The following FOXP1 variants were observed in gnomAD, a reference collection of about 807,000 sequenced individuals.
FOXP1 encodes forkhead box P1.
A neutral mutation model predicts 98.2 loss-of-function variants in FOXP1; 15 were observed. That is an observed-to-expected ratio of 0.15 (90% confidence interval 0.10 to 0.24). The LOEUF is 0.24. Ranked by LOEUF, FOXP1 falls within the 10% of genes least tolerant of loss-of-function variation. The pLI is 1.00. For missense variants in FOXP1, 633 were observed against 848.5 expected, an observed-to-expected ratio of 0.75 and a Z score of 3.15; for synonymous variants, 371 against 314.5, an observed-to-expected ratio of 1.18 and a Z score of -1.90.
At chr3:71,473,190 G>A (rs2089513807) in intron 3 of FOXP1, among the ~76,000 whole-genome samples, 1 of 152,042 alleles carries the variant, frequency 6.6e-6, no homozygotes, top group African/African-American at 2.4e-5. Flanking sequence ...ATTTAACAGA[G>A]GAAGATAAAA....
At chr3:71,305,668 C>T (rs2074221886) in intron 4 of FOXP1, 1 of 152,216 alleles carries the variant, frequency 6.6e-6, no homozygotes, top group South Asian at 2.1e-4. Flanking sequence ...TTAATTCCCC[C>T]TAGTCCTCAC....
chr3:71,121,229 A>T, intron 6 of FOXP1, among the ~76,000 whole-genome samples: 1 of 151,572 alleles, frequency 6.6e-6, no homozygotes. Flanking sequence ...TCTGCTACAA[A>T]CCCCACCGCC....
At chr3:71,141,340 C>A (rs1204242680) in intron 6 of FOXP1, among the ~76,000 whole-genome samples, 1 of 151,858 alleles carries the variant, frequency 6.6e-6, no homozygotes, top group African/African-American at 2.4e-5. Flanking sequence ...TCATCACACG[C>A]CTCCTTTCCA....
intron 2 of FOXP1, chr3:71,572,849 A>T (rs542452268): frequency 1.3e-5 from 2 of 152,348 alleles, no homozygotes; most frequent in South Asian, 4.1e-4. Context: ...TTTCACAATG[A>T]AAATGGAAAC....
chr3:71,510,479 A>G (rs982025152), intron 2 of FOXP1, among the ~76,000 whole-genome samples: 1 of 148,012 alleles, frequency 6.8e-6, no homozygotes, highest in African/African-American at 2.5e-5. Context: ...TCTGTCTCTA[A>G]AAAAAAAAAA....
At chr3:71,346,636 G>C (rs894204619) in intron 4 of FOXP1, among the ~76,000 whole-genome samples, 1 of 152,176 alleles carries the variant, frequency 6.6e-6, no homozygotes, top group Non-Finnish European at 1.5e-5. Context: ...CCACGGATGC[G>C]GGGTAAGACT....
chr3:71,245,425 T>C (rs1471221179), intron 5 of FOXP1: 1 of 151,970 alleles, frequency 6.6e-6, no homozygotes, highest in Non-Finnish European at 1.5e-5. Flanking sequence ...TTTCCAAATA[T>C]CTGACTGTAA....
intron 11 of FOXP1, among the ~76,000 whole-genome samples, chr3:71,039,592 C>T (rs1203170157): frequency 1.3e-5 from 2 of 152,210 alleles, no homozygotes; most frequent in South Asian, 2.1e-4. Flanking sequence ...GTGCATCAGT[C>T]GGCGTTTTTC....
At chr3:71,448,318 A>G (rs2086640478) in intron 3 of FOXP1, among the ~76,000 whole-genome samples, 5 of 152,194 alleles carry the variant, frequency 3.3e-5, no homozygotes, top group Admixed American at 2.6e-4. Context: ...CGAAAACAGT[A>G]TGGGCACTAA....
At chr3:71,084,727 G>A (rs2054835663) in intron 7 of FOXP1, among the ~76,000 whole-genome samples, 1 of 152,114 alleles carries the variant, frequency 6.6e-6, no homozygotes, top group Non-Finnish European at 1.5e-5. Flanking sequence ...TAAATAAAAT[G>A]ATTTTTTAAA....
intron 3 of FOXP1, among the ~76,000 whole-genome samples, chr3:71,407,862 C>T (rs768403348): frequency 4.6e-5 from 7 of 152,140 alleles, no homozygotes; most frequent in Non-Finnish European, 1.0e-4. Flanking sequence ...TCTGGGTGTT[C>T]GTACAAGAAT....
At chr3:71,211,179 C>T (rs1463419156) in intron 5 of FOXP1, among the ~76,000 whole-genome samples, 1 of 152,104 alleles carries the variant, frequency 6.6e-6, no homozygotes, top group Non-Finnish European at 1.5e-5. Flanking sequence ...TGGTGTTACA[C>T]TTGCCCTAAC....
intron 5 of FOXP1, among the ~76,000 whole-genome samples, chr3:71,290,596 C>T (rs1160832850): frequency 3.9e-5 from 6 of 152,176 alleles, no homozygotes; most frequent in Admixed American, 3.9e-4. Flanking sequence ...AGATCTTGCT[C>T]TACCTCAAAG....
intron 5 of FOXP1, among the ~76,000 whole-genome samples, chr3:71,237,061 GC>G (rs1378402768): frequency 2.7e-5 from 4 of 149,662 alleles, no homozygotes; most frequent in Non-Finnish European, 5.9e-5. Flanking sequence ...GTGAAACCCC[GC>G]CTCTACTAAA....
At chr3:71,011,227 A>C (rs534635337) in intron 12 of FOXP1, among the ~76,000 whole-genome samples, 9 of 152,252 alleles carry the variant, frequency 5.9e-5, no homozygotes, top group Admixed American at 1.3e-4. Context: ...ACATTCTTGA[A>C]GCAACTTTCT....
chr3:71,582,403 G>A, intron 1 of FOXP1: 3 of 984,340 alleles, frequency 3.0e-6, no homozygotes, highest in Non-Finnish European at 3.6e-6. Flanking sequence ...GTCCCCACTC[G>A]AAGCGCACGC....
chr3:71,549,860 TAAAAAAAAAAAAAAA>T (rs55826932), intron 2 of FOXP1, among the ~76,000 whole-genome samples: 2,293 of 59,974 alleles, frequency 0.038, 115 homozygotes, highest in African/African-American at 0.13. Flanking sequence ...ATGCTGGGAG[TAAAAAAAAAAAAAAA>T]AAAAAAAAAA....
At chr3:71,494,601 C>G (rs1020068037) in intron 2 of FOXP1, among the ~76,000 whole-genome samples, 82 of 152,260 alleles carry the variant, frequency 5.4e-4, no homozygotes, top group Middle Eastern at 6.8e-3. Context: ...AGCTCCATGT[C>G]CTGCAGAAAT....
chr3:71,503,363 A>G (rs2107218548), intron 2 of FOXP1, among the ~76,000 whole-genome samples: 1 of 152,268 alleles, frequency 6.6e-6, no homozygotes, highest in Admixed American at 6.5e-5. Flanking sequence ...CAGCCCCCAA[A>G]TCATCTTCTA....
Sources: gnomAD v4.1 joint callset for allele counts (sites outside exome capture counted in the v4.1 genomes callset) on GRCh38, gnomAD v4.1.1 for gene constraint, MANE v1.5 for transcripts, NCBI Gene and HGNC (gene_info 2026-07-23, HGNC 2026-07-21) for gene names.